Variants in TRMT2B observed in about 807,000 individuals in gnomAD.
TRMT2B encodes tRNA methyltransferase 2B, also known as tRNA (uracil-5-)-methyltransferase homolog B.
A neutral mutation model predicts 39.7 loss-of-function variants in TRMT2B; 34 were observed. The ratio of observed to expected loss-of-function variants is 0.86; its 90% CI spans 0.65 to 1.14. TRMT2B has a LOEUF of 1.14. TRMT2B is among the 50% of genes most tolerant of loss of function. TRMT2B has a pLI of 0.00. For synonymous variants in TRMT2B, 132 were observed against 137.3 expected (o/e 0.96, Z 0.27); for missense variants, 318 against 377.2 (o/e 0.84, Z 1.30).
chrX:101,011,194 C>T (rs1339878322), intron 13 of TRMT2B, among the ~76,000 whole-genome samples: 2 of 111,547 alleles, frequency 1.8e-5, no homozygotes, highest in Non-Finnish European at 3.8e-5. Flanking sequence ...ACTGTGTGAA[C>T]ATAATAGAGC....
chrX:100,994,245 A>C, the TRMT2B span, among the ~76,000 whole-genome samples: 2 of 111,912 alleles, frequency 1.8e-5, no homozygotes, highest in African/African-American at 6.5e-5. Context: ...GGGACCAAGA[A>C]ATGGATAGTT....
chrX:100,993,472 T>G, the TRMT2B span, among the ~76,000 whole-genome samples: 1 of 111,814 alleles, frequency 8.9e-6, no homozygotes, highest in Non-Finnish European at 1.9e-5. Flanking sequence ...AATTGGATCA[T>G]GCACATTTTA....
chrX:100,977,369 C>CTTT, the TRMT2B span, among the ~76,000 whole-genome samples: 20 of 56,455 alleles, frequency 3.5e-4, no homozygotes, highest in African/African-American at 7.9e-4. Context: ...CTACTCTCTT[C>CTTT]TTTTTTTTTT....
intron 5 of TRMT2B, chrX:101,037,423 A>G: frequency 5.4e-6 from 1 of 186,761 alleles, no homozygotes; most frequent in Non-Finnish European, 9.8e-6. Context: ...CTGTGTTCCA[A>G]TAAAACTTTA....
At chrX:101,016,300 T>C (rs774858742) in intron 13 of TRMT2B, among the ~76,000 whole-genome samples, 20 of 111,326 alleles carry the variant, frequency 1.8e-4, no homozygotes, top group Middle Eastern at 4.7e-3. Flanking sequence ...TTTCTTTGTC[T>C]ACAGATTTGC....
At chrX:101,037,365 T>G in intron 5 of TRMT2B, 1 of 288,339 alleles carries the variant, frequency 3.5e-6, no homozygotes, top group Non-Finnish European at 6.1e-6. Context: ...AACTCTGCCA[T>G]CATAGTGCAA....
At chrX:101,014,281 T>A (rs2147998108) in intron 13 of TRMT2B, among the ~76,000 whole-genome samples, 1 of 111,152 alleles carries the variant, frequency 9.0e-6, no homozygotes, top group Admixed American at 9.7e-5. Flanking sequence ...GGGTCAGGAG[T>A]AAGAAACTCA....
chrX:100,988,267 T>A, the TRMT2B span: 1 of 1,209,414 alleles, frequency 8.3e-7, no homozygotes. Context: ...GCTAAGCCTC[T>A]AAAGTCAATC....
the TRMT2B span, among the ~76,000 whole-genome samples, chrX:100,981,852 C>T: frequency 2.8e-5 from 3 of 105,858 alleles, no homozygotes; most frequent in East Asian, 3.0e-4. Context: ...GTACTGTGAT[C>T]GCTCACCTAA....
At chrX:101,024,171 T>A (rs1305464466) in intron 7 of TRMT2B, among the ~76,000 whole-genome samples, 1 of 111,155 alleles carries the variant, frequency 9.0e-6, no homozygotes, top group Non-Finnish European at 1.9e-5. Context: ...AGAGAAAATG[T>A]GGACACACAG....
At chrX:100,982,758 C>T in the TRMT2B span, among the ~76,000 whole-genome samples, 1 of 107,178 alleles carries the variant, frequency 9.3e-6, no homozygotes, top group Non-Finnish European at 1.9e-5. Flanking sequence ...CAGGCTCAAG[C>T]GATCCTCCCA....
intron 2 of TRMT2B, among the ~76,000 whole-genome samples, chrX:101,043,141 C>G (rs1300391363): frequency 1.8e-5 from 2 of 110,683 alleles, no homozygotes; most frequent in South Asian, 3.8e-4. Context: ...TGGTGCATGC[C>G]TGTGATCCCA....
At chrX:101,012,162 A>G (rs1471611941) in intron 13 of TRMT2B, among the ~76,000 whole-genome samples, 2 of 110,772 alleles carry the variant, frequency 1.8e-5, no homozygotes, top group East Asian at 5.7e-4. Flanking sequence ...ACTTAATTTT[A>G]TAAGTGGTGA....
intron 9 of TRMT2B, among the ~76,000 whole-genome samples, chrX:101,021,623 G>A (rs994618325): frequency 9.1e-6 from 1 of 109,636 alleles, no homozygotes; most frequent in Non-Finnish European, 1.9e-5. Flanking sequence ...AGCGAGACTC[G>A]GTCTCAAAGA....
At chrX:100,991,400 A>T in the TRMT2B span, among the ~76,000 whole-genome samples, 1 of 40,166 alleles carries the variant, frequency 2.5e-5, no homozygotes, top group African/African-American at 5.3e-5. Flanking sequence ...TTTTGTTTTG[A>T]GACAGAGTCT....
At chrX:100,991,523 C>T in the TRMT2B span, among the ~76,000 whole-genome samples, 8 of 110,643 alleles carry the variant, frequency 7.2e-5, no homozygotes, top group Non-Finnish European at 1.5e-4. Flanking sequence ...GGACTACTGG[C>T]GCCCACCACC....
chrX:100,984,064 G>T, the TRMT2B span, among the ~76,000 whole-genome samples: 23 of 110,495 alleles, frequency 2.1e-4, no homozygotes, highest in South Asian at 5.9e-3. Context: ...CAACAGACTG[G>T]AACGCATATA....
At position 101,051,343 on chromosome X, in the gene TRMT2B, A is replaced by G. The variant is rs1424254325; in HGVS notation, c.-116T>C. ...CTCTGCTCACCCTTCCTTCAGCTGG[A>G]CCGGCTCCAGACACTATTCCTTGCT... On this transcript the variant is annotated 5_prime_UTR_variant, in exon 2 of 14. Coordinates refer to ENST00000372936, the MANE Select transcript of TRMT2B (RefSeq NM_024917.6). 1 of 751,923 alleles carries G rather than the reference A, an allele frequency of 1.3e-6. No individual in the cohort carries two copies. Among genetic ancestry groups the G allele is most frequent in the Non-Finnish European group, 1.6e-6 (1 of 639,010 alleles). The allele number at this position is 751,923 out of a possible 1,213,427, so 62.0% of individuals were successfully genotyped here.
intron 2 of TRMT2B, among the ~76,000 whole-genome samples, chrX:101,042,583 A>G (rs948901103): frequency 3.6e-5 from 4 of 112,000 alleles, no homozygotes; most frequent in Non-Finnish European, 7.5e-5. Flanking sequence ...CTCTTTCCCT[A>G]TTCCACCTTC....
Sources: allele counts gnomAD v4.1 joint callset (sites outside exome capture counted in the v4.1 genomes callset), GRCh38; gene constraint gnomAD v4.1.1; transcripts MANE v1.5; gene names NCBI Gene and HGNC (gene_info 2026-07-23, HGNC 2026-07-21).